Variants in USP8 observed in about 807,000 individuals in gnomAD.
USP8 encodes ubiquitin carboxyl-terminal hydrolase 8.
USP8 carries 27 observed loss-of-function variants against 130.0 expected under a neutral mutation model. The observed-to-expected ratio is 0.21, with a 90% CI of 0.15 to 0.29. The LOEUF is 0.29. Among genes scored for constraint, USP8 ranks in the 10% least tolerant of loss-of-function variants. The probability of loss-of-function intolerance (pLI) is 1.00; values close to 1 mark genes in which losing one functional copy is unlikely to be tolerated. For missense variants in USP8, 1,029 were observed against 1,312.2 expected, an observed-to-expected ratio of 0.78 and a Z score of 3.33; for synonymous variants, 392 against 444.1, an observed-to-expected ratio of 0.88 and a Z score of 1.48.
intron 16 of USP8, among the ~76,000 whole-genome samples, chr15:50,495,487 G>GTT (rs1555392695): frequency 8.1e-6 from 1 of 123,696 alleles, no homozygotes; most frequent in African/African-American, 3.3e-5. Flanking sequence ...AGAGATTGGA[G>GTT]GGGGGGGTCT....
intron 6 of USP8, among the ~76,000 whole-genome samples, chr15:50,464,833 T>C (rs1457005369): frequency 6.6e-6 from 1 of 152,158 alleles, no homozygotes; most frequent in Non-Finnish European, 1.5e-5. Flanking sequence ...CAGCCTGGGT[T>C]ACAGAACGAG....
intron 3 of USP8, among the ~76,000 whole-genome samples, chr15:50,444,257 C>G (rs916484825): frequency 2.6e-5 from 4 of 151,754 alleles, no homozygotes; most frequent in Admixed American, 1.3e-4. Flanking sequence ...GCACCCGCCA[C>G]CACGCCTGGC....
intron 1 of USP8, among the ~76,000 whole-genome samples, chr15:50,438,216 T>A (rs1486044754): frequency 6.6e-6 from 1 of 152,132 alleles, no homozygotes; most frequent in Non-Finnish European, 1.5e-5. Flanking sequence ...TTACTTAGCT[T>A]TTTAGGATTA....
At chr15:50,477,235 G>A (rs769692052) in intron 9 of USP8, 41 bp from the exon 10 acceptor site, 78 of 1,554,628 alleles carry the variant, frequency 5.0e-5, no homozygotes, top group Non-Finnish European at 6.8e-5. Flanking sequence ...TGTGTATGGG[G>A]TTTGCTATTC....
Position 50,499,254 on chromosome 15 carries a change from C to A in USP8, c.*166C>A. The A allele has an allele frequency of 1.9e-6, 1 of 530,902 alleles. No individual in the cohort carries two copies. Among genetic ancestry groups the A allele is most frequent in the Middle Eastern group, 5.4e-4 (1 of 1,848 alleles). The allele number at this position is 530,902 out of a possible 1,614,324, so 32.9% of individuals were successfully genotyped here. A position where few individuals can be genotyped will look rare whatever the true frequency, so the allele number is the denominator to read the frequency against. On this transcript the variant is annotated 3_prime_UTR_variant, in exon 20 of 20. Transcript: ENST00000307179. ...AATTCCGGTCAGTGCTGACAAATAA[C>A]ATTTAACAAGTATTGCAGTAATCAT...
intron 8 of USP8, among the ~76,000 whole-genome samples, chr15:50,472,845 G>T (rs1391602174): frequency 6.6e-6 from 1 of 152,146 alleles, no homozygotes; most frequent in African/African-American, 2.4e-5. Flanking sequence ...GGGAGGTGGA[G>T]GTTGCGGTCA....
intron 10 of USP8, among the ~76,000 whole-genome samples, chr15:50,480,080 A>T (rs2051711269): frequency 6.6e-6 from 1 of 152,162 alleles, no homozygotes; most frequent in Non-Finnish European, 1.5e-5. Flanking sequence ...ATTTTCTAGT[A>T]GAAAAACATA....
rs748233644 is a variant in USP8 at position 50,500,785 on chromosome 15, G to C, written c.*1697G>C. Reference sequence around the variant, plus strand: ...AAAGCTATATCAGGCCTGGGTGACTGAATTCTTGCAGAAAGCAGTGTAGTG... The same window carrying C: ...AAAGCTATATCAGGCCTGGGTGACTCAATTCTTGCAGAAAGCAGTGTAGTG... On this transcript the variant is annotated 3_prime_UTR_variant, in exon 20 of 20. Transcript: ENST00000307179. The C allele has an allele frequency of 4.4e-6, 7 of 1,589,954 alleles. No homozygotes were observed. Among genetic ancestry groups the C allele is most frequent in the African/African-American group, 1.3e-5 (1 of 74,592 alleles).
At chr15:50,462,256 CTTT>C (rs376262830) in intron 5 of USP8, 21 bp from the exon 6 acceptor site, 7 of 1,221,720 alleles carry the variant, frequency 5.7e-6, no homozygotes, top group Admixed American at 4.7e-5. Context: ...AAAGTTGAAA[CTTT>C]TTTTTTTTCC....
Position 50,506,718 on chromosome 15 carries a change from G to C in USP8, c.*7630G>C, listed in dbSNP as rs559574106. On this transcript the variant is annotated 3_prime_UTR_variant, in exon 20 of 20. Coordinates refer to ENST00000307179, the MANE Select transcript of USP8 (RefSeq NM_005154.5). ...CTCACGTCTATAATCTCAGCACTTGGGGAGGCCGAGGGGGGCGGATCACGA... is the reference window on the plus strand; with the variant it reads ...CTCACGTCTATAATCTCAGCACTTGCGGAGGCCGAGGGGGGCGGATCACGA... 1 of 152,196 alleles carries C rather than the reference G, an allele frequency of 6.6e-6. No homozygotes were observed. The highest frequency in any genetic ancestry group is 2.1e-4 in the South Asian group (1 of 4,822). 9.4% of individuals were successfully genotyped at this position (152,196 alleles called of 1,614,324 possible).
intron 10 of USP8, among the ~76,000 whole-genome samples, chr15:50,481,271 CAAG>C (rs1362433392): frequency 6.6e-6 from 1 of 152,102 alleles, no homozygotes; most frequent in Non-Finnish European, 1.5e-5. Flanking sequence ...AGTGTTGAAT[CAAG>C]AGGATGTAAG....
At chr15:50,476,718 A>G in intron 8 of USP8, 131 bp from the exon 9 acceptor site, 10 of 983,722 alleles carry the variant, frequency 1.0e-5, no homozygotes, top group Non-Finnish European at 1.3e-5. Flanking sequence ...TTTTGAATTC[A>G]GTTCTCATTT....
rs969334438 is a variant in USP8 at position 50,439,784 on chromosome 15, C to CTT, written c.104+608_104+609insTT. Among the ~76,000 whole-genome samples, 93 of 130,066 alleles carry CTT rather than the reference C, an allele frequency of 7.2e-4. 1 individual carries two copies. The highest frequency in any genetic ancestry group is 2.1e-4 in the Non-Finnish European group (13 of 63,386). The allele number at this position is 130,066 out of a possible 152,430, so 85.3% of individuals were successfully genotyped here. On this transcript the variant is annotated intron_variant, in intron 2 of 19. Transcript: ENST00000307179. The stretch of plus-strand genomic sequence containing the variant: ...CAGCTTGGGCAATAAGAGCGAAACT[C>CTT]TGTCTCAATAATAATAATAATAATA...
rs948111576 is a variant in USP8, at chr15:50,508,369, A to C, written c.*9281A>C. ...TTAAGATGAATTGATCATTTATTTT[A>C]TATTCAAATATCTTGCTTCAGCAAG... On this transcript the variant is annotated 3_prime_UTR_variant, in exon 20 of 20. Transcript: ENST00000307179. 6.6e-6 allele frequency: 1 copy of C among 152,230 alleles called. No individual in the cohort carries two copies. The highest frequency in any genetic ancestry group is 2.4e-5 in the African/African-American group (1 of 41,470). The allele number at this position is 152,230 out of a possible 1,614,324, so 9.4% of individuals were successfully genotyped here.
At chr15:50,465,007 G>T in intron 6 of USP8, 40 bp from the exon 7 acceptor site, 1 of 1,606,028 alleles carries the variant, frequency 6.2e-7, no homozygotes, top group Non-Finnish European at 8.5e-7. Context: ...CACATCTTGT[G>T]CTGTTTCTTG....
chr15:50,469,779 C>T (rs2051314659), intron 7 of USP8, among the ~76,000 whole-genome samples: 1 of 151,942 alleles, frequency 6.6e-6, no homozygotes, highest in Admixed American at 6.6e-5. Flanking sequence ...TATGGAGCTC[C>T]TTACCCAGAG....
rs141310097 is a variant in USP8 at position 50,462,331 on chromosome 15, G to A, written c.541+9G>A. 31 of 1,595,902 alleles carry A rather than the reference G, an allele frequency of 1.9e-5. No homozygotes were observed. In the African/African-American group the frequency reaches 3.8e-4, roughly 20 times the overall value. ...TGAGACCAAAGAGAAAGGTAAGTGT[G>A]TACAGAAGGAGGAAGTTGTTTTAGG... On this transcript the variant is annotated intron_variant, in intron 6 of 19. Transcript: ENST00000307179.
chr15:50,462,880 T>C (rs1177104784), intron 6 of USP8, among the ~76,000 whole-genome samples: 1 of 152,072 alleles, frequency 6.6e-6, no homozygotes, highest in Non-Finnish European at 1.5e-5. Flanking sequence ...AGGTTGTAGA[T>C]TTAATTTTTT....
chr15:50,444,887 A>T (rs2050374871), intron 3 of USP8, among the ~76,000 whole-genome samples: 2 of 152,032 alleles, frequency 1.3e-5, no homozygotes, highest in Non-Finnish European at 2.9e-5. Context: ...CCTCCAGAGT[A>T]GCTGGGAGTA....
Sources: allele counts gnomAD v4.1 joint callset (sites outside exome capture counted in the v4.1 genomes callset), GRCh38; gene constraint gnomAD v4.1.1; transcripts MANE v1.5; gene names NCBI Gene and HGNC (gene_info 2026-07-23, HGNC 2026-07-21).